Variants in ADGRG6 observed in about 807,000 individuals in gnomAD.
The protein encoded by ADGRG6 is adhesion G protein-coupled receptor G6.
A neutral mutation model predicts 142.4 loss-of-function variants in ADGRG6; 84 were observed. The ratio of observed to expected loss-of-function variants is 0.59; its 90% confidence interval spans 0.49 to 0.71. ADGRG6 has a LOEUF of 0.71. Ranked by LOEUF, ADGRG6 falls within the 30% of genes least tolerant of loss-of-function variation. The pLI, the probability that ADGRG6 is intolerant of heterozygous loss-of-function variation, is 0.00. For synonymous variants in ADGRG6, 521 were observed against 520.5 expected (o/e 1.00, Z -0.01); for missense variants, 1,367 against 1,466.6 (o/e 0.93, Z 1.11).
chr6:142,320,591 A>G (rs1246607339), intron 2 of ADGRG6, among the ~76,000 whole-genome samples: 2 of 152,092 alleles, frequency 1.3e-5, no homozygotes, highest in East Asian at 3.9e-4. Context: ...GTAGGAAGAT[A>G]CAGTTAGTAC....
At chr6:142,356,571 G>A (rs1402109833) in intron 2 of ADGRG6, among the ~76,000 whole-genome samples, 2 of 152,162 alleles carry the variant, frequency 1.3e-5, no homozygotes, top group East Asian at 1.9e-4. Flanking sequence ...CCTTAGTGAA[G>A]CATCATATGT....
Position 142,325,756 on chromosome 6 carries a change from A to T in ADGRG6, c.103+16112A>T, listed in dbSNP as rs554971526. ...TAAATGAATATTTGTAGATTTTTTTAAAAAAGGAGTTATCTTAGAATTAGT... is the reference window on the plus strand; with the variant it reads ...TAAATGAATATTTGTAGATTTTTTTTAAAAAGGAGTTATCTTAGAATTAGT... On this transcript the variant is annotated intron_variant, in intron 2 of 24. Transcript: ENST00000367609. Among the ~76,000 whole-genome samples the T allele has an allele frequency of 7.8e-4, 118 of 152,148 alleles. 1 individual carries two copies. In the East Asian group the frequency reaches 0.018, roughly 23 times the overall value.
chr6:142,383,963 T>C (rs886161545), intron 6 of ADGRG6, 120 bp downstream of exon 6: 4 of 619,962 alleles, frequency 6.5e-6, no homozygotes, highest in Non-Finnish European at 1.1e-5. Flanking sequence ...GGTACATTTG[T>C]AGGTTTACAA....
At chr6:142,442,201 T>G (rs765201690) in intron 24 of ADGRG6, among the ~76,000 whole-genome samples, 2 of 152,172 alleles carry the variant, frequency 1.3e-5, no homozygotes, top group Non-Finnish European at 2.9e-5. Flanking sequence ...TTCTAAAAAT[T>G]TTTCAGGATA....
intron 4 of ADGRG6, among the ~76,000 whole-genome samples, chr6:142,378,657 C>T (rs531255127): frequency 6.6e-6 from 1 of 152,344 alleles, no homozygotes; most frequent in African/African-American, 2.4e-5. Context: ...CCCTTCCTCT[C>T]TCTGCTTCCT....
chr6:142,433,003 C>A (rs540348009), intron 22 of ADGRG6, among the ~76,000 whole-genome samples: 2 of 152,166 alleles, frequency 1.3e-5, no homozygotes, highest in African/African-American at 4.8e-5. Flanking sequence ...ACGAATAATA[C>A]CTGGGTTAAT....
intron 1 of ADGRG6, 47 bp from the exon 2 acceptor site, chr6:142,309,497 C>A: frequency 1.5e-6 from 2 of 1,316,908 alleles, no homozygotes; most frequent in Non-Finnish European, 2.2e-6. Context: ...TGTCATAATG[C>A]TTTACTGAAT....
intron 14 of ADGRG6, among the ~76,000 whole-genome samples, chr6:142,404,763 A>G (rs942900676): frequency 1.3e-5 from 2 of 152,170 alleles, no homozygotes; most frequent in Non-Finnish European, 2.9e-5. Flanking sequence ...CCAAATTTGC[A>G]CTTTTAGCAA....
At chr6:142,332,984 G>A (rs1779135109) in intron 2 of ADGRG6, among the ~76,000 whole-genome samples, 1 of 152,148 alleles carries the variant, frequency 6.6e-6, no homozygotes, top group Admixed American at 6.5e-5. Context: ...AAAATAGCTT[G>A]GCAGTTACTG....
chr6:142,433,096 T>A (rs1358855842), intron 22 of ADGRG6, among the ~76,000 whole-genome samples: 5 of 152,226 alleles, frequency 3.3e-5, no homozygotes, highest in Non-Finnish European at 7.3e-5. Context: ...TGTTTAAGAA[T>A]ACACAGTTAC....
intron 2 of ADGRG6, among the ~76,000 whole-genome samples, chr6:142,352,798 C>CT (rs993052595): frequency 1.3e-5 from 2 of 151,536 alleles, no homozygotes; most frequent in African/African-American, 2.4e-5. Flanking sequence ...TAGTTCTCCC[C>CT]TTTTTTTTGC....
intron 2 of ADGRG6, among the ~76,000 whole-genome samples, chr6:142,358,664 T>G (rs1780568480): frequency 6.6e-6 from 1 of 152,206 alleles, no homozygotes; most frequent in Non-Finnish European, 1.5e-5. Context: ...CCCAGCACTT[T>G]GGGAGGCCGA....
chr6:142,443,854 G>A lies in ADGRG6; in HGVS notation c.*339G>A, dbSNP rs1012912937. The A allele has an allele frequency of 5.2e-5, 9 of 171,954 alleles. No homozygotes were observed. Among genetic ancestry groups the A allele is most frequent in the African/African-American group, 1.9e-4 (8 of 42,020 alleles). The allele number at this position is 171,954 out of a possible 1,614,324, so 10.7% of individuals were successfully genotyped here. A position where few individuals can be genotyped will look rare whatever the true frequency, so the allele number is the denominator to read the frequency against. ...AGAAGCAATGCTGAGGAAGACCCTA[G>A]ATAGAGCTCATTTTACTCCACCTAA... On this transcript the variant is annotated 3_prime_UTR_variant, in exon 25 of 25. Coordinates refer to ENST00000367609, the MANE Select transcript of ADGRG6 (RefSeq NM_198569.3).
chr6:142,443,665 A>G lies in ADGRG6; in HGVS notation c.*150A>G. ...TAAGAAGGCTTTTGTGAAATTCAGA[A>G]TTTTTCTTTTTAATATATTTCTTCC... On this transcript the variant is annotated 3_prime_UTR_variant, in exon 25 of 25. Coordinates refer to ENST00000367609, the MANE Select transcript of ADGRG6 (RefSeq NM_198569.3). 3.7e-6 allele frequency: 2 copies of G among 534,610 alleles called. No homozygotes were observed. Among genetic ancestry groups the G allele is most frequent in the African/African-American group, 2.0e-5 (1 of 50,822 alleles). 33.1% of individuals were successfully genotyped at this position (534,610 alleles called of 1,614,324 possible).
At position 142,445,946 on chromosome 6, in the gene ADGRG6, TTGTC is replaced by T. The variant is rs1777953763; in HGVS notation, c.*2435_*2438del. ...TTCACTTGCATTGTAAAGATTTTCT[TTGTC>T]TGTTGTTGGCATAGATTCTTTTGTA... is the stretch of plus-strand genomic sequence containing the variant. On this transcript the variant is annotated 3_prime_UTR_variant, in exon 25 of 25. Transcript: ENST00000367609. The T allele has an allele frequency of 6.6e-6, 1 of 152,342 alleles. No individual in the cohort carries two copies. The highest frequency in any genetic ancestry group is 6.5e-5 in the Admixed American group (1 of 15,274). The allele number at this position is 152,342 out of a possible 1,614,324, so 9.4% of individuals were successfully genotyped here.
Position 142,431,922 on chromosome 6 carries a change from C to T in ADGRG6, c.3320-5512C>T, listed in dbSNP as rs186016360. Among the ~76,000 whole-genome samples, 89 of 151,960 alleles carry T rather than the reference C, an allele frequency of 5.9e-4. 1 individual carries two copies. In the East Asian group the frequency reaches 0.016, roughly 28 times the overall value. On this transcript the variant is annotated intron_variant, in intron 22 of 24. Transcript: ENST00000367609. ...TGGGCGACAGAGCCAGATTCCATCT[C>T]GAAACAAAAGAAAGAAGCAGAAATT...
chr6:142,409,142 T>C (rs1775959652), intron 16 of ADGRG6, among the ~76,000 whole-genome samples: 1 of 152,158 alleles, frequency 6.6e-6, no homozygotes, highest in Admixed American at 6.6e-5. Flanking sequence ...CAGTTGAAAC[T>C]CTCCTCCCAT....
At chr6:142,432,492 G>T (rs746737048) in intron 22 of ADGRG6, among the ~76,000 whole-genome samples, 4 of 151,826 alleles carry the variant, frequency 2.6e-5, no homozygotes, top group Non-Finnish European at 4.4e-5. Flanking sequence ...AATTTGTTAC[G>T]CTTATTATGT....
At chr6:142,425,309 G>C (rs893025632) in intron 22 of ADGRG6, among the ~76,000 whole-genome samples, 1 of 152,144 alleles carries the variant, frequency 6.6e-6, no homozygotes, top group African/African-American at 2.4e-5. Context: ...GGAAAAGTTG[G>C]TCCAGTATTT....
Sources: allele counts gnomAD v4.1 joint callset (sites outside exome capture counted in the v4.1 genomes callset), GRCh38; gene constraint gnomAD v4.1.1; transcripts MANE v1.5; gene names NCBI Gene and HGNC (gene_info 2026-07-23, HGNC 2026-07-21).